Variants in PRSS23 observed in about 807,000 individuals in gnomAD.
The protein encoded by PRSS23 is serine protease 23, also known as protease, serine 23.
Under a neutral mutation model 34.7 loss-of-function variants are expected in PRSS23, and 25 were observed. The observed-to-expected ratio is 0.72, with a 90% confidence interval of 0.53 to 1.01. The LOEUF is 1.01. Among genes scored for constraint, PRSS23 ranks in the 50% least tolerant of loss-of-function variants. The probability of loss-of-function intolerance (pLI) is 0.00; values close to 1 mark genes in which losing one functional copy is unlikely to be tolerated. For missense variants in PRSS23, 445 were observed against 475.6 expected (o/e 0.94, Z 0.60); for synonymous variants, 176 against 186.6 (o/e 0.94, Z 0.46).
At chr11:86,900,476 C>G (rs537137719) in intron 2 of PRSS23, among the ~76,000 whole-genome samples, 3 of 152,306 alleles carry the variant, frequency 2.0e-5, no homozygotes, top group Non-Finnish European at 4.4e-5. Flanking sequence ...GATCATACTA[C>G]TTTTCTGCTT....
chr11:86,882,046 A>G (rs1948775733), intron 2 of PRSS23, among the ~76,000 whole-genome samples: 1 of 152,206 alleles, frequency 6.6e-6, no homozygotes, highest in South Asian at 2.1e-4. Context: ...ATTTCAAAGA[A>G]CCAAGTTTTT....
At chr11:86,854,918 G>T (rs1948557964) in intron 2 of PRSS23, among the ~76,000 whole-genome samples, 1 of 152,142 alleles carries the variant, frequency 6.6e-6, no homozygotes, top group South Asian at 2.1e-4. Flanking sequence ...TGTAATCCCA[G>T]CACTTTGAGA....
intron 2 of PRSS23, among the ~76,000 whole-genome samples, chr11:86,907,751 C>T (rs573089286): frequency 3.0e-4 from 46 of 152,280 alleles, no homozygotes; most frequent in African/African-American, 7.7e-4. Flanking sequence ...TGAGCCACCA[C>T]GCTGGCCTTA....
At chr11:86,873,542 C>A (rs1948702175) in intron 2 of PRSS23, among the ~76,000 whole-genome samples, 1 of 151,932 alleles carries the variant, frequency 6.6e-6, no homozygotes, top group Non-Finnish European at 1.5e-5. Context: ...CTCAGCCTCC[C>A]AAAGTGTTGG....
Position 86,800,726 on chromosome 11 carries a change from G to A in PRSS23, c.-14+75G>A, listed in dbSNP as rs1468668526. On this transcript the variant is annotated intron_variant, in intron 1 of 1. Coordinates refer to ENST00000280258, the MANE Select transcript of PRSS23 (RefSeq NM_007173.6). ...GGCGCCGGGAGGAGCGGGACAAAGGGCCGGGTATGCGCGGGGTAGGGTAAC... is the reference window on the plus strand; with the variant it reads ...GGCGCCGGGAGGAGCGGGACAAAGGACCGGGTATGCGCGGGGTAGGGTAAC... 9 of 852,894 alleles carry A rather than the reference G, an allele frequency of 1.1e-5. No individual in the cohort carries two copies. The African/African-American group carries it at 1.3e-4, about 12-fold the overall frequency. 52.8% of individuals were successfully genotyped at this position (852,894 alleles called of 1,614,324 possible).
chr11:86,819,210 G>C (rs1022909456), intron 1 of PRSS23, among the ~76,000 whole-genome samples: 3 of 152,136 alleles, frequency 2.0e-5, no homozygotes, highest in Non-Finnish European at 4.4e-5. Context: ...AAAAACCTTT[G>C]AGTTTCTGTA....
intron 2 of PRSS23, chr11:86,940,899 T>C (rs1949203099): frequency 6.6e-6 from 1 of 152,222 alleles, no homozygotes; most frequent in Non-Finnish European, 1.5e-5. Flanking sequence ...GAGAAGAAGG[T>C]TCAGAGGATA....
intron 2 of PRSS23, among the ~76,000 whole-genome samples, chr11:86,825,698 T>C (rs1359710214): frequency 6.6e-6 from 1 of 152,120 alleles, no homozygotes; most frequent in Non-Finnish European, 1.5e-5. Flanking sequence ...TTTCTACATA[T>C]GACTAGCCAG....
At chr11:86,896,866 A>C (rs903158835) in intron 2 of PRSS23, among the ~76,000 whole-genome samples, 5 of 152,242 alleles carry the variant, frequency 3.3e-5, no homozygotes, top group Non-Finnish European at 7.3e-5. Context: ...TTACATTGAA[A>C]ACTTCTAATT....
chr11:86,933,859 T>C (rs1381947551), intron 2 of PRSS23: 1 of 152,246 alleles, frequency 6.6e-6, no homozygotes, highest in Non-Finnish European at 1.5e-5. Flanking sequence ...GTTGTATCCA[T>C]GATTTGGAAC....
intron 2 of PRSS23, among the ~76,000 whole-genome samples, chr11:86,943,953 C>G (rs1389865062): frequency 6.6e-6 from 1 of 151,976 alleles, no homozygotes; most frequent in Non-Finnish European, 1.5e-5. Flanking sequence ...ATTGGCCAGG[C>G]TGGTCTCAAA....
intron 2 of PRSS23, among the ~76,000 whole-genome samples, chr11:86,940,632 A>G (rs1452583251): frequency 2.0e-5 from 3 of 152,184 alleles, no homozygotes; most frequent in Non-Finnish European, 4.4e-5. Flanking sequence ...TGCTGAGCGC[A>G]GGAGAGAATA....
chr11:86,870,962 C>T (rs1948680752), intron 2 of PRSS23, among the ~76,000 whole-genome samples: 1 of 152,182 alleles, frequency 6.6e-6, no homozygotes, highest in African/African-American at 2.4e-5. Flanking sequence ...TGTCTGCTAA[C>T]TCCTACATCC....
downstream of PRSS23, among the ~76,000 whole-genome samples, chr11:86,812,801 A>G (rs1590874790): frequency 6.7e-6 from 1 of 149,848 alleles, no homozygotes; most frequent in South Asian, 2.1e-4. Context: ...AAAAAAAAAA[A>G]AAAGAAAAAG....
At chr11:86,942,924 C>A (rs941477018) in intron 2 of PRSS23, among the ~76,000 whole-genome samples, 5 of 152,190 alleles carry the variant, frequency 3.3e-5, no homozygotes, top group Non-Finnish European at 5.9e-5. Context: ...TATTTCTGTA[C>A]ACAGAACCTC....
intron 2 of PRSS23, among the ~76,000 whole-genome samples, chr11:86,900,999 G>A (rs1339974556): frequency 6.6e-6 from 1 of 151,794 alleles, no homozygotes; most frequent in Non-Finnish European, 1.5e-5. Context: ...TGGCCAGGCT[G>A]GTCTCGAACT....
At chr11:86,949,174 T>G (rs1271905191) in intron 2 of PRSS23, 3 of 152,154 alleles carry the variant, frequency 2.0e-5, no homozygotes, top group Non-Finnish European at 2.9e-5. Context: ...AACTTCAGTC[T>G]CAAAAGCCAA....
In PRSS23 at chr11:86,808,781, T is replaced by C. The variant is rs746211157; in HGVS notation, c.1138T>C (p.Cys380Arg). 1.2e-6 allele frequency: 2 copies of C among 1,607,962 alleles called. No homozygotes were observed. The highest frequency in any genetic ancestry group is 1.7e-5 in the Admixed American group (1 of 59,778). Reference protein sequence around the residue: ...CYWIKGNYLDCREG With the variant: ...CYWIKGNYLDRREG ...TTGGATTAAAGGAAACTACCTGGAT[T>C]GTAGGGAGGGGTGACACAGTGTTCC... The change falls in exon 2 of 2, where the codon TGT becomes CGT. Residue 380 changes from cysteine to arginine, a missense_variant. Coordinates refer to ENST00000280258, the MANE Select transcript of PRSS23 (RefSeq NM_007173.6).
rs773048047 is a variant in PRSS23 at position 86,808,172 on chromosome 11, A to G, written c.529A>G (p.Ile177Val). 2.1e-5 allele frequency: 34 copies of G among 1,614,080 alleles called. No homozygotes were observed. The highest frequency in any genetic ancestry group is 3.3e-5 in the Admixed American group (2 of 60,010). Residue 177 changes from isoleucine to valine, a missense_variant, in exon 2 of 2, where the codon ATA (isoleucine) becomes GTA (valine). Ile to Val is a conservative substitution (Grantham distance 29). Coordinates refer to ENST00000280258, the MANE Select transcript of PRSS23 (RefSeq NM_007173.6). ...GCATGTCCTCACAGCTGCCCACTGCATACACGATGGAAAAACCTATGTGAA... is the reference window on the plus strand; with the variant it reads ...GCATGTCCTCACAGCTGCCCACTGCGTACACGATGGAAAAACCTATGTGAA... ...EKHVLTAAHC[I>V]HDGKTYVKGT...
Sources: allele counts gnomAD v4.1 joint callset (sites outside exome capture counted in the v4.1 genomes callset), GRCh38; gene constraint gnomAD v4.1.1; transcripts MANE v1.5; gene names NCBI Gene and HGNC (gene_info 2026-07-23, HGNC 2026-07-21).